SLC35F4: variants seen among roughly 807,000 people sequenced by gnomAD.
SLC35F4 encodes solute carrier family 35 member F4.
In SLC35F4, 24 loss-of-function variants were observed where a neutral mutation model predicts 44.2. The ratio of observed to expected loss-of-function variants is 0.54; its 90% CI spans 0.39 to 0.76. The LOEUF (loss-of-function observed/expected upper bound fraction) is 0.76. SLC35F4 is among the 30% of genes least tolerant of loss of function. SLC35F4 has a pLI of 0.00. For synonymous variants in SLC35F4, 238 were observed against 223.6 expected (o/e 1.06, Z -0.57); for missense variants, 562 against 586.1 (o/e 0.96, Z 0.42).
At chr14:57,981,351 G>C (rs866492112) in intron 1 of SLC35F4, among the ~76,000 whole-genome samples, 1 of 152,124 alleles carries the variant, frequency 6.6e-6, no homozygotes, top group African/African-American at 2.4e-5. Context: ...TCTCTGCAGC[G>C]TGGGAAATGG....
At chr14:57,969,216 G>T (rs1432921578) in intron 1 of SLC35F4, among the ~76,000 whole-genome samples, 1 of 152,142 alleles carries the variant, frequency 6.6e-6, no homozygotes, top group Non-Finnish European at 1.5e-5. Context: ...CTTAATCAAA[G>T]AAAGGCTTTA....
chr14:57,946,632 G>A (rs1017111953), intron 1 of SLC35F4, among the ~76,000 whole-genome samples: 2 of 151,692 alleles, frequency 1.3e-5, no homozygotes, highest in Non-Finnish European at 2.9e-5. Flanking sequence ...GTGCCACCAT[G>A]CCTGGCTAAT....
intron 1 of SLC35F4, among the ~76,000 whole-genome samples, chr14:57,594,792 C>T (rs944297870): frequency 5.9e-5 from 9 of 152,156 alleles, no homozygotes; most frequent in African/African-American, 2.2e-4. Flanking sequence ...AATTTAATTT[C>T]ATTGTGTCTT....
chr14:57,928,944 C>T lies in SLC35F4; in HGVS notation n.282+52969G>A, dbSNP rs144679711. Among the ~76,000 whole-genome samples the T allele has an allele frequency of 3.9e-4, 59 of 152,214 alleles. 1 individual carries two copies. The highest frequency in any genetic ancestry group is 1.3e-3 in the African/African-American group (56 of 41,530). On this transcript the variant is annotated intron_variant and non_coding_transcript_variant, in intron 1 of 1. Transcript: ENST00000556568. ...GGTTTCAACAGAGGAAAAGAGGAAG[C>T]AGAGGAAATAATCAGTGAACTGGAA...
At chr14:57,840,956 C>T (rs1164376788) in intron 1 of SLC35F4, among the ~76,000 whole-genome samples, 1 of 152,156 alleles carries the variant, frequency 6.6e-6, no homozygotes, top group African/African-American at 2.4e-5. Flanking sequence ...ATCTGAGGCA[C>T]TATTTTATTT....
chr14:57,651,013 T>C (rs979036804), intron 1 of SLC35F4, among the ~76,000 whole-genome samples: 4 of 152,170 alleles, frequency 2.6e-5, no homozygotes, highest in African/African-American at 9.6e-5. Context: ...TCAGTTATAC[T>C]CCATAACATT....
chr14:57,919,022 C>A (rs1372112732), intron 1 of SLC35F4, among the ~76,000 whole-genome samples: 3 of 152,182 alleles, frequency 2.0e-5, no homozygotes, highest in Non-Finnish European at 2.9e-5. Flanking sequence ...TTCTTGCATG[C>A]AGGTGTGACC....
downstream of SLC35F4, among the ~76,000 whole-genome samples, chr14:57,972,715 CAGCCA>C (rs1881089100): frequency 7.9e-5 from 12 of 152,312 alleles, no homozygotes; most frequent in African/African-American, 2.6e-4. Flanking sequence ...TCTCCCAGAG[CAGCCA>C]AATCATCTTC....
At chr14:57,819,268 T>C (rs144098248) in intron 1 of SLC35F4, among the ~76,000 whole-genome samples, 138 of 152,190 alleles carry the variant, frequency 9.1e-4, no homozygotes, top group African/African-American at 3.2e-3. Flanking sequence ...TAAAAATTAT[T>C]AAAATGAAAT....
chr14:57,686,914 G>A (rs796800372), intron 1 of SLC35F4, among the ~76,000 whole-genome samples: 1 of 152,054 alleles, frequency 6.6e-6, no homozygotes, highest in Non-Finnish European at 1.5e-5. Flanking sequence ...CAGAACCTCA[G>A]AATGTGATAG....
intron 1 of SLC35F4, among the ~76,000 whole-genome samples, chr14:57,615,745 G>C (rs2071778473): frequency 6.6e-6 from 1 of 151,960 alleles, no homozygotes; most frequent in African/African-American, 2.4e-5. Context: ...AAAGGATATA[G>C]TTTTTAAAAT....
chr14:57,890,085 G>T (rs970971717), intron 1 of SLC35F4, among the ~76,000 whole-genome samples: 1 of 152,174 alleles, frequency 6.6e-6, no homozygotes, highest in African/African-American at 2.4e-5. Flanking sequence ...TGTGCAACTC[G>T]CTTTGACAAA....
chr14:57,899,861 C>G (rs1457084221), intron 1 of SLC35F4, among the ~76,000 whole-genome samples: 23 of 152,084 alleles, frequency 1.5e-4, no homozygotes, highest in Admixed American at 1.5e-3. Flanking sequence ...AAAGATGGCA[C>G]GGACCCAAAG....
At chr14:57,819,812 C>CAAA (rs200256387) in intron 1 of SLC35F4, among the ~76,000 whole-genome samples, 1 of 108,126 alleles carries the variant, frequency 9.2e-6, no homozygotes, top group African/African-American at 3.1e-5. Flanking sequence ...GACCCCGTCT[C>CAAA]AAAAAAAAAA....
chr14:57,748,599 T>C (rs1325452886), intron 1 of SLC35F4, among the ~76,000 whole-genome samples: 1 of 152,170 alleles, frequency 6.6e-6, no homozygotes, highest in African/African-American at 2.4e-5. Flanking sequence ...GAAATTTTTA[T>C]TTATACAGTA....
intron 1 of SLC35F4, among the ~76,000 whole-genome samples, chr14:57,597,436 G>A (rs1051864407): frequency 1.2e-4 from 18 of 152,204 alleles, no homozygotes; most frequent in Admixed American, 1.1e-3. Flanking sequence ...GATTCAACAA[G>A]TAGTTATTAA....
At chr14:57,859,283 A>G (rs540969988) in intron 1 of SLC35F4, among the ~76,000 whole-genome samples, 1 of 152,370 alleles carries the variant, frequency 6.6e-6, no homozygotes, top group African/African-American at 2.4e-5. Flanking sequence ...TATTACAAAC[A>G]ATATAGACCA....
chr14:57,643,416 A>G (rs1566718289), intron 1 of SLC35F4, among the ~76,000 whole-genome samples: 1 of 152,106 alleles, frequency 6.6e-6, no homozygotes, highest in South Asian at 2.1e-4. Flanking sequence ...TAACAATAAT[A>G]CATAATAATG....
chr14:57,653,282 A>G (rs2073851587), intron 1 of SLC35F4, among the ~76,000 whole-genome samples: 1 of 152,174 alleles, frequency 6.6e-6, no homozygotes, highest in African/African-American at 2.4e-5. Flanking sequence ...ATGAGGCATG[A>G]AAGACGACTT....
Sources: gnomAD v4.1 joint callset for allele counts (sites outside exome capture counted in the v4.1 genomes callset) on GRCh38, gnomAD v4.1.1 for gene constraint, MANE v1.5 for transcripts, NCBI Gene and HGNC (gene_info 2026-07-23, HGNC 2026-07-21) for gene names.